Variants in ATP9B observed in about 807,000 individuals in gnomAD.
ATP9B encodes the protein ATPase phospholipid transporting 9B.
Under a neutral mutation model 146.1 loss-of-function variants are expected in ATP9B, and 110 were observed. The observed-to-expected ratio is 0.75, with a 90% CI of 0.65 to 0.88. The LOEUF is 0.88. Ranked by LOEUF, ATP9B falls within the 40% of genes least tolerant of loss-of-function variation. The pLI, the probability that ATP9B is intolerant of heterozygous loss-of-function variation, is 0.00. For missense variants in ATP9B, 1,499 were observed against 1,496.4 expected (o/e 1.00, Z -0.03); for synonymous variants, 604 against 569.7 (o/e 1.06, Z -0.86).
In ATP9B at chr18:79,253,433, C is replaced by T; in HGVS notation, c.1160C>T (p.Ala387Val). 1.2e-6 allele frequency: 2 copies of T among 1,612,992 alleles called. No individual in the cohort carries two copies. The highest frequency in any genetic ancestry group is 1.7e-6 in the Non-Finnish European group (2 of 1,179,720). The change falls in exon 12 of 30, where the codon GCT becomes GTT. Residue 387 changes from alanine to valine, a missense_variant. Transcript: ENST00000426216. ...LNRLTKALFL[A>V]LVALSIVMVT... is the part of the protein sequence containing the mutation. ...CGGCTGACGAAAGCGCTATTTTTGG[C>T]TTTAGTTGCTCTTTCCATTGTTATG...
chr18:79,318,627 G>A (rs964558836), intron 15 of ATP9B, among the ~76,000 whole-genome samples: 4 of 152,198 alleles, frequency 2.6e-5, no homozygotes, highest in African/African-American at 9.6e-5. Flanking sequence ...ATGGATTTAA[G>A]CTTTTAAAAA....
At chr18:79,177,428 G>A (rs2095189989) in intron 8 of ATP9B, among the ~76,000 whole-genome samples, 1 of 151,014 alleles carries the variant, frequency 6.6e-6, no homozygotes, top group Non-Finnish European at 1.5e-5. Context: ...TTTTTGTAGA[G>A]ATGGGGGTCT....
rs149552705 is a variant in ATP9B at position 79,185,768 on chromosome 18, G to A, written c.874-7415G>A. ...CCTCATTCTGACATTCGTGTCTCTC[G>A]TGGTGTAGATCTGAGGGTCTTCTGT... On this transcript the variant is annotated intron_variant, in intron 8 of 29. Coordinates refer to ENST00000426216, the MANE Select transcript of ATP9B (RefSeq NM_198531.5). Among the ~76,000 whole-genome samples, 898 of 152,206 alleles carry A rather than the reference G, an allele frequency of 5.9e-3. 8 individuals are homozygous for A. The highest frequency in any genetic ancestry group is 0.02 in the African/African-American group (841 of 41,498).
chr18:79,337,407 C>G lies in ATP9B; in HGVS notation c.2241C>G (p.Asp747Glu). 2 of 1,613,636 alleles carry G rather than the reference C, an allele frequency of 1.2e-6. No homozygotes were observed. The highest frequency in any genetic ancestry group is 8.5e-7 in the Non-Finnish European group (1 of 1,180,032). ...GCGTGGAGGACCAGCTGCAGGCAGA[C>G]GTGCGGCCCACGCTGGAGATGCTGC... Reference protein sequence around the residue: ...LTGVEDQLQADVRPTLEMLRN... With the variant: ...LTGVEDQLQAEVRPTLEMLRN... The change falls in exon 19 of 30, where the codon GAC (aspartate) becomes GAG (glutamate). Residue 747 changes from aspartate (D) to glutamate (E), a missense_variant. Transcript: ENST00000426216.
At chr18:79,118,602 A>G (rs1056556688) in intron 4 of ATP9B, among the ~76,000 whole-genome samples, 4 of 151,614 alleles carry the variant, frequency 2.6e-5, no homozygotes, top group African/African-American at 9.7e-5. Flanking sequence ...GGGTTTTACC[A>G]TGTTGGCCAG....
chr18:79,353,592 C>G (rs1441285850), intron 25 of ATP9B: 2 of 152,212 alleles, frequency 1.3e-5, no homozygotes, highest in African/African-American at 4.8e-5. Flanking sequence ...AGAGAATAGC[C>G]AGGTGTTAGC....
chr18:79,079,043 T>G (rs183217918), intron 1 of ATP9B, among the ~76,000 whole-genome samples: 27 of 152,364 alleles, frequency 1.8e-4, no homozygotes, highest in African/African-American at 6.0e-4. Flanking sequence ...TGCCACATTT[T>G]CTTTATCCAG....
chr18:79,316,386 G>C (rs1039739814), intron 15 of ATP9B, among the ~76,000 whole-genome samples: 4 of 152,186 alleles, frequency 2.6e-5, no homozygotes, highest in African/African-American at 7.2e-5. Context: ...CTGCTGTGGA[G>C]ACAGAATCTG....
intron 11 of ATP9B, among the ~76,000 whole-genome samples, chr18:79,234,459 G>GCA (rs2095820435): frequency 1.3e-5 from 2 of 152,240 alleles, no homozygotes; most frequent in Non-Finnish European, 2.9e-5. Flanking sequence ...CTGTCATGTT[G>GCA]AAGGTAGATC....
In ATP9B at chr18:79,347,839, A is replaced by G. The variant is rs752889354; in HGVS notation, c.2752A>G (p.Met918Val). The G allele has an allele frequency of 6.2e-7, 1 of 1,613,498 alleles. No individual in the cohort carries two copies. The highest frequency in any genetic ancestry group is 1.1e-5 in the South Asian group (1 of 91,016). The change falls in exon 24 of 30, where the codon ATG becomes GTG. Residue 918 changes from methionine to valine, a missense_variant. Coordinates refer to ENST00000426216, the MANE Select transcript of ATP9B (RefSeq NM_198531.5). The stretch of plus-strand genomic sequence containing the variant: ...GTTCCGGCACATAGGCAGGCTGCTC[A>G]TGGTGCACGGGCGGAACAGCTACAA... ...TQFRHIGRLL[M>V]VHGRNSYKRS... is the part of the protein sequence containing the mutation.
At chr18:79,151,477 C>T (rs771677237) in intron 6 of ATP9B, among the ~76,000 whole-genome samples, 19 of 152,130 alleles carry the variant, frequency 1.2e-4, no homozygotes, top group Non-Finnish European at 2.8e-4. Flanking sequence ...TTTTGCCCAT[C>T]ATGAAGGATA....
At chr18:79,130,155 A>T (rs2094353573) in intron 5 of ATP9B, among the ~76,000 whole-genome samples, 1 of 152,238 alleles carries the variant, frequency 6.6e-6, no homozygotes, top group South Asian at 2.1e-4. Context: ...CATCAGACTT[A>T]GGAGACAAAA....
chr18:79,347,748 G>A (rs2147553432), intron 23 of ATP9B, 22 bp from the exon 24 acceptor site: 2 of 1,513,222 alleles, frequency 1.3e-6, no homozygotes, highest in Non-Finnish European at 8.9e-7. Flanking sequence ...GTTTGAAAAG[G>A]CCCCGTGTGC....
At chr18:79,151,890 C>A (rs2094696103) in intron 6 of ATP9B, among the ~76,000 whole-genome samples, 1 of 152,188 alleles carries the variant, frequency 6.6e-6, no homozygotes, top group South Asian at 2.1e-4. Flanking sequence ...AGTGAGCAGG[C>A]AACCTACAGA....
At chr18:79,143,290 A>G (rs530727776) in intron 5 of ATP9B, among the ~76,000 whole-genome samples, 1 of 152,352 alleles carries the variant, frequency 6.6e-6, no homozygotes, top group Non-Finnish European at 1.5e-5. Flanking sequence ...TAGAGAAATC[A>G]CTTTTAGTAA....
At chr18:79,365,616 A>T (rs879489115) in intron 26 of ATP9B, among the ~76,000 whole-genome samples, 5 of 152,286 alleles carry the variant, frequency 3.3e-5, no homozygotes, top group Non-Finnish European at 5.9e-5. Context: ...CCCTTCAGCC[A>T]GTGGGCAGAA....
At chr18:79,369,472 G>A (rs1446228715) in intron 26 of ATP9B, among the ~76,000 whole-genome samples, 1 of 146,748 alleles carries the variant, frequency 6.8e-6, no homozygotes, top group Non-Finnish European at 1.5e-5. Flanking sequence ...GGCGAAGCCT[G>A]CAGTGAGCCA....
At chr18:79,197,141 A>G (rs2095424442) in intron 9 of ATP9B, among the ~76,000 whole-genome samples, 1 of 152,234 alleles carries the variant, frequency 6.6e-6, no homozygotes, top group African/African-American at 2.4e-5. Context: ...TCTGATCACA[A>G]TGCAATAAAA....
In ATP9B at chr18:79,173,541, G is replaced by A. The variant is rs115856685; in HGVS notation, c.779-3272G>A. 6.9e-3 allele frequency among the ~76,000 whole-genome samples: 1,056 copies of A among 152,070 alleles called. 14 individuals are homozygous for A. Among genetic ancestry groups the A allele is most frequent in the African/African-American group, 0.024 (996 of 41,446 alleles). On this transcript the variant is annotated intron_variant, in intron 7 of 29. Transcript: ENST00000426216. Reference sequence around the variant, plus strand: ...TCAAGGCTTTGGGTTGTTGGGCTATGTATGTCCAAATGCTCTAGCGTCATT... The same window carrying A: ...TCAAGGCTTTGGGTTGTTGGGCTATATATGTCCAAATGCTCTAGCGTCATT...
Sources: gnomAD v4.1 joint callset for allele counts (sites outside exome capture counted in the v4.1 genomes callset) on GRCh38, gnomAD v4.1.1 for gene constraint, MANE v1.5 for transcripts, NCBI Gene and HGNC (gene_info 2026-07-23, HGNC 2026-07-21) for gene names.